PRKCA: variants seen among roughly 807,000 people sequenced by gnomAD.
The protein encoded by PRKCA is protein kinase C alpha type.
Under a neutral mutation model 87.0 loss-of-function variants are expected in PRKCA, and 27 were observed. The ratio of observed to expected loss-of-function variants is 0.31; its 90% CI spans 0.23 to 0.43. The LOEUF (loss-of-function observed/expected upper bound fraction) is 0.43, where lower values mean the gene tolerates loss of function less well. Among genes scored for constraint, PRKCA ranks in the 20% least tolerant of loss-of-function variants. The pLI is 1.00. For synonymous variants in PRKCA, 329 were observed against 311.1 expected (o/e 1.06, Z -0.61); for missense variants, 518 against 852.3 (o/e 0.61, Z 4.88).
rs558028122 is a variant in PRKCA at position 66,433,669 on chromosome 17, C to T, written c.206-62532C>T. 4.6e-5 allele frequency among the ~76,000 whole-genome samples: 7 copies of T among 152,254 alleles called. No individual in the cohort carries two copies. The South Asian group carries it at 1.0e-3, about 23-fold the overall frequency. Reference sequence around the variant, plus strand: ...AAGCAATTCTCAGGCCACAGCCTCCCGAGTAGCTGGGACTACAGGCACCCG... The same window carrying T: ...AAGCAATTCTCAGGCCACAGCCTCCTGAGTAGCTGGGACTACAGGCACCCG... On this transcript the variant is annotated intron_variant, in intron 2 of 16. Transcript: ENST00000413366.
At chr17:66,610,128 AC>A (rs1598812015) in intron 3 of PRKCA, among the ~76,000 whole-genome samples, 1 of 152,224 alleles carries the variant, frequency 6.6e-6, no homozygotes, top group East Asian at 1.9e-4. Flanking sequence ...CTACAAATTG[AC>A]CCCCTTTTAG....
chr17:66,773,324 T>C (rs1974981006), intron 13 of PRKCA, among the ~76,000 whole-genome samples: 1 of 152,192 alleles, frequency 6.6e-6, no homozygotes, highest in Admixed American at 6.5e-5. Flanking sequence ...GTTTTAAAAC[T>C]TCTGTTTTTC....
chr17:66,521,884 G>C (rs1036805815), intron 3 of PRKCA, among the ~76,000 whole-genome samples: 2 of 152,184 alleles, frequency 1.3e-5, no homozygotes, highest in Non-Finnish European at 2.9e-5. Flanking sequence ...GGGACACCTG[G>C]TTTCTAGTGT....
chr17:66,787,506 G>A (rs193007312), intron 15 of PRKCA, among the ~76,000 whole-genome samples: 14 of 152,256 alleles, frequency 9.2e-5, no homozygotes, highest in Admixed American at 5.9e-4. Flanking sequence ...ATGTGCTCTC[G>A]TCTCCTGTCT....
chr17:66,774,287 T>C (rs959509225), intron 14 of PRKCA: 8 of 1,394,804 alleles, frequency 5.7e-6, no homozygotes, highest in Non-Finnish European at 6.5e-6. Context: ...AATTGAAAGC[T>C]ACAACCTGGA....
chr17:66,501,206 T>G (rs1428606858), intron 3 of PRKCA, among the ~76,000 whole-genome samples: 1 of 152,180 alleles, frequency 6.6e-6, no homozygotes, highest in Non-Finnish European at 1.5e-5. Context: ...ATTACAAAGT[T>G]CTTTTGAACA....
chr17:66,678,812 A>G (rs1972409014), intron 5 of PRKCA, among the ~76,000 whole-genome samples: 1 of 152,090 alleles, frequency 6.6e-6, no homozygotes, highest in Non-Finnish European at 1.5e-5. Flanking sequence ...CCTTGGTTTC[A>G]ATATTTGTTT....
intron 2 of PRKCA, among the ~76,000 whole-genome samples, chr17:66,475,715 G>A (rs1567848174): frequency 6.6e-6 from 1 of 152,096 alleles, no homozygotes; most frequent in East Asian, 1.9e-4. Flanking sequence ...AGGTCTTCTT[G>A]ATACCTGTGT....
At chr17:66,801,853 A>C (rs1975907973) in intron 16 of PRKCA, among the ~76,000 whole-genome samples, 1 of 152,072 alleles carries the variant, frequency 6.6e-6, no homozygotes, top group Non-Finnish European at 1.5e-5. Context: ...CACACACATC[A>C]CCCACATACT....
chr17:66,798,261 CATT>C (rs1470222860), intron 16 of PRKCA, among the ~76,000 whole-genome samples: 4 of 152,236 alleles, frequency 2.6e-5, no homozygotes, highest in Non-Finnish European at 5.9e-5. Flanking sequence ...AAGGTTAGAT[CATT>C]GATAGTAGGA....
At chr17:66,532,155 TA>T (rs11304403) in intron 3 of PRKCA, among the ~76,000 whole-genome samples, 53,897 of 144,320 alleles carry the variant, frequency 0.37, 9,800 homozygotes, top group South Asian at 0.51. Flanking sequence ...CTGGTAAAAT[TA>T]AAAAAAAAAA....
chr17:66,452,768 G>T (rs965260824), intron 2 of PRKCA, among the ~76,000 whole-genome samples: 2 of 152,200 alleles, frequency 1.3e-5, no homozygotes, highest in Non-Finnish European at 2.9e-5. Context: ...GGAGGCTGAG[G>T]CAGGAGAATG....
intron 8 of PRKCA, among the ~76,000 whole-genome samples, chr17:66,713,292 T>C (rs1306196961): frequency 2.6e-5 from 4 of 152,090 alleles, no homozygotes; most frequent in Non-Finnish European, 5.9e-5. Context: ...CCTTGTGATC[T>C]GCCTGCCTCG....
Position 66,325,088 on chromosome 17 carries a change from C to T in PRKCA, c.205+18961C>T, listed in dbSNP as rs547576016. Among the ~76,000 whole-genome samples, 5 of 152,298 alleles carry T rather than the reference C, an allele frequency of 3.3e-5. No individual in the cohort carries two copies. In the South Asian group the frequency reaches 8.3e-4, roughly 25 times the overall value. The stretch of plus-strand genomic sequence containing the variant: ...ATTCTTCCCTGGAAGTGCAGCATCT[C>T]AGAAAAACAACTATGCCAGTAAAAA... On this transcript the variant is annotated intron_variant, in intron 2 of 16. Transcript: ENST00000413366.
At chr17:66,602,311 G>A (rs1189303677) in intron 3 of PRKCA, among the ~76,000 whole-genome samples, 1 of 130,200 alleles carries the variant, frequency 7.7e-6, no homozygotes, top group Non-Finnish European at 1.6e-5. Context: ...CGCAATATTC[G>A]GGTGGGAGTG....
chr17:66,538,917 T>C (rs868470829), intron 3 of PRKCA, among the ~76,000 whole-genome samples: 2 of 152,274 alleles, frequency 1.3e-5, no homozygotes, highest in Middle Eastern at 3.4e-3. Context: ...CCACATGCTG[T>C]CTCCTGAGCC....
chr17:66,700,820 C>T (rs1286901660), intron 8 of PRKCA, among the ~76,000 whole-genome samples: 4 of 152,190 alleles, frequency 2.6e-5, no homozygotes, highest in Middle Eastern at 3.4e-3. Flanking sequence ...GGGAAGATAT[C>T]GCCTGTTCCT....
intron 2 of PRKCA, among the ~76,000 whole-genome samples, chr17:66,331,131 C>T (rs1156303957): frequency 6.6e-6 from 1 of 152,162 alleles, no homozygotes; most frequent in African/African-American, 2.4e-5. Context: ...TATCTCCCTG[C>T]TCCTTGGACT....
chr17:66,637,792 C>T (rs1035643023), intron 3 of PRKCA, among the ~76,000 whole-genome samples: 2 of 152,174 alleles, frequency 1.3e-5, no homozygotes, highest in African/African-American at 2.4e-5. Context: ...CAAACACAGA[C>T]TGTGAGGCCC....
Sources: gnomAD v4.1 joint callset for allele counts (sites outside exome capture counted in the v4.1 genomes callset) on GRCh38, gnomAD v4.1.1 for gene constraint, MANE v1.5 for transcripts, NCBI Gene and HGNC (gene_info 2026-07-23, HGNC 2026-07-21) for gene names.